The following ABCC10 variants were observed in gnomAD, a reference collection of about 807,000 sequenced individuals.
ABCC10 encodes the protein ATP binding cassette subfamily C member 10.
ABCC10 carries 110 observed loss-of-function variants against 143.2 expected under a neutral mutation model. That is an observed-to-expected ratio of 0.77 (90% CI 0.66 to 0.90). ABCC10 has a LOEUF of 0.90. ABCC10 is among the 40% of genes least tolerant of loss of function. ABCC10 has a pLI of 0.00. For missense variants in ABCC10, 1,700 were observed against 1,900.5 expected, an observed-to-expected ratio of 0.89 and a Z score of 1.96; for synonymous variants, 805 against 846.7, an observed-to-expected ratio of 0.95 and a Z score of 0.85.
chr6:43,433,148 C>G lies in ABCC10; in HGVS notation c.1168C>G (p.Arg390Gly), dbSNP rs528202255. 11 of 1,614,006 alleles carry G rather than the reference C, an allele frequency of 6.8e-6. No homozygotes were observed. Among genetic ancestry groups the G allele is most frequent in the African/African-American group, 4.0e-5 (3 of 74,938 alleles). Reference protein sequence around the residue: ...ALNLLGTDSERLLNFAGSFHE... With the variant: ...ALNLLGTDSEGLLNFAGSFHE... ...GAACCTACTAGGCACTGACTCTGAA[C>G]GGCTGCTTAACTTTGCTGGGAGCTT... Residue 390 changes from arginine to glycine, a missense_variant, in exon 3 of 22, where the codon CGG becomes GGG. Transcript: ENST00000372530.
At chr6:43,436,297 G>A (rs967352751) in intron 6 of ABCC10, 50 bp downstream of exon 6, 1 of 1,585,104 alleles carries the variant, frequency 6.3e-7, no homozygotes, top group Non-Finnish European at 8.6e-7. Flanking sequence ...CGAGAGAGAT[G>A]GGAACTCATG....
rs369686699 is a variant in ABCC10, at chr6:43,445,837, G to A, written c.3269G>A (p.Arg1090Gln). ...CAGCGCCACTACAGGGCCTCCTCAC[G>A]GGAGCTGCGGCGCCTGGGCAGCCTC... ...HVQRHYRASS[R>Q]ELRRLGSLTL... The change falls in exon 15 of 22, where the codon CGG becomes CAG. Residue 1090 changes from arginine (R) to glutamine (Q), a missense_variant. Physicochemically the swap from Arg to Gln is conservative, Grantham distance 43 (BLOSUM62 1). Transcript: ENST00000372530. 194 of 1,613,986 alleles carry A rather than the reference G, an allele frequency of 1.2e-4. 1 individual carries two copies. The highest frequency in any genetic ancestry group is 5.5e-4 in the Admixed American group (33 of 60,014).
In ABCC10 at chr6:43,446,462, C is replaced by T. The variant is rs1454987414; in HGVS notation, c.3544+16C>T. On this transcript the variant is annotated intron_variant, in intron 16 of 21. Transcript: ENST00000372530. ...GCTAACCCAGGTGCCACCCAGGACC[C>T]CTCACCCCTACCTCATCCACAAGTT... is the stretch of plus-strand genomic sequence containing the variant. 1.2e-6 allele frequency: 2 copies of T among 1,604,984 alleles called. No homozygotes were observed. Among genetic ancestry groups the T allele is most frequent in the African/African-American group, 1.3e-5 (1 of 74,728 alleles).
downstream of ABCC10, chr6:43,451,121 A>G (rs745728160): frequency 3.7e-6 from 6 of 1,614,112 alleles, no homozygotes; most frequent in South Asian, 4.4e-5. The surrounding 1 kb of genome is among the most constrained non-coding windows in gnomAD (Gnocchi z 4.4). Context: ...TTATGCCGTC[A>G]AGGCAGGTGG....
rs1782911445 is a variant in ABCC10 at position 43,445,225 on chromosome 6, T to G, written c.2941T>G (p.Cys981Gly). ...GACCATTGCTGGTGTAAATTCCCTC[T>G]GCACCCTTCTCCGGGCAGTGCTCTT... ...YATIAGVNSLCTLLRAVLFAA... is the reference protein window; with the variant it reads ...YATIAGVNSLGTLLRAVLFAA... The change falls in exon 14 of 22, where the codon TGC (cysteine) becomes GGC (glycine). Residue 981 changes from cysteine to glycine, a missense_variant. Coordinates refer to ENST00000372530, the MANE Select transcript of ABCC10 (RefSeq NM_001198934.2). The G allele has an allele frequency of 1.2e-6, 2 of 1,613,978 alleles. No individual in the cohort carries two copies. The highest frequency in any genetic ancestry group is 1.3e-5 in the African/African-American group (1 of 74,876).
At chr6:43,441,453 C>T (rs1415180761) in intron 8 of ABCC10, among the ~76,000 whole-genome samples, 6 of 151,174 alleles carry the variant, frequency 4.0e-5, no homozygotes, top group South Asian at 4.2e-4. Context: ...TCCAGCCTGG[C>T]GACAGAGCGA....
In ABCC10 at chr6:43,438,009, C is replaced by T. The variant is rs764064296; in HGVS notation, c.1951C>T (p.His651Tyr). 6.2e-7 allele frequency: 1 copy of T among 1,612,018 alleles called. No individual in the cohort carries two copies. The highest frequency in any genetic ancestry group is 1.1e-5 in the South Asian group (1 of 90,334). ...SLLAAIAGEL[H>Y]RLRGHVAVRG... ...GCTGGCTGCCATCGCTGGAGAGCTC[C>T]ACAGGTAACCAACCTCCTATGCACC... The change falls in exon 7 of 22, where the codon CAC (histidine) becomes TAC (tyrosine). Residue 651 changes from histidine (H) to tyrosine (Y), a missense_variant. By Grantham distance (83) the His-to-Tyr change is moderately conservative. Transcript: ENST00000372530.
chr6:43,445,127 T>C lies in ABCC10; in HGVS notation c.2843T>C (p.Ile948Thr), dbSNP rs2125739. Reference sequence around the variant, plus strand: ...ACAGCCCCCTCCTCACCACCCAGCATCCCAGTGTTCCCACTGCCCAAAGCT... The same window carrying C: ...ACAGCCCCCTCCTCACCACCCAGCACCCCAGTGTTCCCACTGCCCAAAGCT... ...LLLFSPGNLY[I>T]PVFPLPKAAP... The change falls in exon 14 of 22, where the codon ATC becomes ACC. Residue 948 changes from isoleucine (I) to threonine (T), a missense_variant and splice_region_variant. Physicochemically the swap from Ile to Thr is moderately conservative, Grantham distance 89. Coordinates refer to ENST00000372530, the MANE Select transcript of ABCC10 (RefSeq NM_001198934.2). 389,624 of 1,613,480 alleles carry C rather than the reference T, an allele frequency of 0.24. 48,329 individuals carry two copies. The highest frequency in any genetic ancestry group is 0.32 in the African/African-American group (23,923 of 74,886).
At chr6:43,430,476 C>T (rs980128462) in intron 2 of ABCC10, among the ~76,000 whole-genome samples, 7 of 151,986 alleles carry the variant, frequency 4.6e-5, no homozygotes, top group African/African-American at 1.4e-4. Flanking sequence ...TTAAGAAAAC[C>T]CCCAGCTACT....
chr6:43,428,137 G>A lies in ABCC10; in HGVS notation c.159G>A (p.Pro53=). Residue 53 remains proline (P), a splice_region_variant and synonymous_variant, in exon 2 of 22, where the codon CCG becomes CCA. Coordinates refer to ENST00000372530, the MANE Select transcript of ABCC10 (RefSeq NM_001198934.2). The stretch of plus-strand genomic sequence containing the variant: ...TCAGTGCCTGTTACTTGGGCACCCC[G>A]AGGTGGGTAGAGACGGGCGCAAGGC... The part of the protein sequence containing the change: ...AVLSACYLGT[P]RSPDYILPCS... 2 of 1,531,268 alleles carry A rather than the reference G, an allele frequency of 1.3e-6. No individual in the cohort carries two copies. Among genetic ancestry groups the A allele is most frequent in the Non-Finnish European group, 1.8e-6 (2 of 1,140,712 alleles). 94.9% of individuals were successfully genotyped at this position (1,531,268 alleles called of 1,614,324 possible). A position where few individuals can be genotyped will look rare whatever the true frequency, so the allele number is the denominator to read the frequency against.
In ABCC10 at chr6:43,434,793, C is replaced by A. The variant is rs1562174943; in HGVS notation, c.1553C>A (p.Ser518Tyr). The A allele has an allele frequency of 1.2e-6, 2 of 1,614,058 alleles. No individual in the cohort carries two copies. Among genetic ancestry groups the A allele is most frequent in the African/African-American group, 2.7e-5 (2 of 74,918 alleles). The change falls in exon 4 of 22, where the codon TCC (serine) becomes TAC (tyrosine). Residue 518 changes from serine to tyrosine, a missense_variant. Physicochemically the swap from Ser to Tyr is moderately radical, Grantham distance 144. Transcript: ENST00000372530. ...TGGGCTGCCCTACCGGTTGTCATCTCCATCGTTATCTTCATCACCTATGTC... is the reference window on the plus strand; with the variant it reads ...TGGGCTGCCCTACCGGTTGTCATCTACATCGTTATCTTCATCACCTATGTC... ...YLWAALPVVI[S>Y]IVIFITYVLM...
intron 8 of ABCC10, among the ~76,000 whole-genome samples, chr6:43,439,482 A>G (rs112019691): frequency 0.019 from 2,852 of 151,660 alleles, 87 homozygotes; most frequent in African/African-American, 0.064. Context: ...GGCTCACTGC[A>G]GCCTCTGCCT....
chr6:43,441,252 T>A (rs1006332396), intron 8 of ABCC10, among the ~76,000 whole-genome samples: 5 of 151,690 alleles, frequency 3.3e-5, no homozygotes, highest in Admixed American at 2.6e-4. Context: ...CCAAGGTGGG[T>A]GGATCACAAG....
At chr6:43,448,746 G>C (rs1209915159) in intron 18 of ABCC10, 135 bp from the exon 19 acceptor site, 2 of 1,087,564 alleles carry the variant, frequency 1.8e-6, no homozygotes, top group South Asian at 1.7e-5. Flanking sequence ...GGGATGGGGT[G>C]GGGAGCAGAG....
In ABCC10 at chr6:43,443,978, C is replaced by T; in HGVS notation, c.2462C>T (p.Ala821Val). 6.2e-7 allele frequency: 1 copy of T among 1,614,192 alleles called. No individual in the cohort carries two copies. The highest frequency in any genetic ancestry group is 8.5e-7 in the Non-Finnish European group (1 of 1,180,012). Residue 821 changes from alanine to valine, a missense_variant, in exon 11 of 22, where the codon GCC becomes GTC. Ala to Val is a moderately conservative substitution (Grantham distance 64). Coordinates refer to ENST00000372530, the MANE Select transcript of ABCC10 (RefSeq NM_001198934.2). This position sits in a 1 kb window ranked among gnomAD's most constrained non-coding sequence, Gnocchi z 4.2. ...ILPLVQAVPK[A>V]WAENGQESDS... ...CCACTGGTACAAGCTGTCCCCAAAG[C>T]CTGGGCTGAGAATGGACAAGAGTCT... is the stretch of plus-strand genomic sequence containing the variant.
At chr6:43,438,517 C>A in intron 7 of ABCC10, 107 bp from the exon 8 acceptor site, 1 of 1,489,084 alleles carries the variant, frequency 6.7e-7, no homozygotes, top group Non-Finnish European at 8.9e-7. Context: ...GAAGGGGGAC[C>A]CTGTGTAGAA....
Position 43,445,706 on chromosome 6 carries a change from C to G in ABCC10, c.3138C>G (p.Leu1046=). ...DDSLPFILNI[L]LANAAGLLGL... is the part of the protein sequence containing the mutation. Reference sequence around the variant, plus strand: ...GCCTGCCCTTCATCCTCAACATCCTCCTGGCCAACGCGGCAGGCCTGCTGG... The same window carrying G: ...GCCTGCCCTTCATCCTCAACATCCTGCTGGCCAACGCGGCAGGCCTGCTGG... Residue 1046 remains leucine, a synonymous_variant, in exon 15 of 22, where the codon CTC becomes CTG. Transcript: ENST00000372530. The G allele has an allele frequency of 6.2e-7, 1 of 1,614,232 alleles. No individual in the cohort carries two copies.
At position 43,443,508 on chromosome 6, in the gene ABCC10, G is replaced by T. The variant is rs1445998974; in HGVS notation, c.2416+349G>T. On this transcript the variant is annotated intron_variant, in intron 10 of 21. Transcript: ENST00000372530. The surrounding 1 kb of genome is among the most constrained non-coding windows in gnomAD (Gnocchi z 4.2). The stretch of plus-strand genomic sequence containing the variant: ...TTTTTAAACTCTGAAAGATTTTTAT[G>T]CAGAGGGATGTGACCACCTGCAAGT... The T allele has an allele frequency of 3.5e-6, 1 of 284,954 alleles. No homozygotes were observed. The highest frequency in any genetic ancestry group is 6.6e-6 in the Non-Finnish European group (1 of 152,662). The allele number at this position is 284,954 out of a possible 1,614,324, so 17.7% of individuals were successfully genotyped here. A position where few individuals can be genotyped will look rare whatever the true frequency, so the allele number is the denominator to read the frequency against.
chr6:43,446,682 C>T, intron 16 of ABCC10: 2 of 985,290 alleles, frequency 2.0e-6, no homozygotes, highest in Non-Finnish European at 2.4e-6. Context: ...CTGCTGGTCT[C>T]AGTCCCTTCC....
Sources: gnomAD v4.1 joint callset for allele counts (sites outside exome capture counted in the v4.1 genomes callset) on GRCh38, gnomAD v4.1.1 for gene constraint, Gnocchi (gnomAD v3.1) non-coding constraint, MANE v1.5 for transcripts, NCBI Gene and HGNC (gene_info 2026-07-23, HGNC 2026-07-21) for gene names.